The following CYP19A1 variants were observed in gnomAD, a reference collection of about 807,000 sequenced individuals.
The protein encoded by CYP19A1 is cytochrome P450 family 19 subfamily A member 1.
In CYP19A1, 32 loss-of-function variants were observed where a neutral mutation model predicts 44.4. The observed-to-expected ratio is 0.72, with a 90% CI of 0.54 to 0.97. The LOEUF is 0.97. Among genes scored for constraint, CYP19A1 ranks in the 50% least tolerant of loss-of-function variants. The pLI, the probability that CYP19A1 is intolerant of heterozygous loss-of-function variation, is 0.00. For missense variants in CYP19A1, 598 were observed against 637.8 expected (o/e 0.94, Z 0.67); for synonymous variants, 212 against 215.6 (o/e 0.98, Z 0.14).
chr15:51,231,624 C>A (rs778213116), intron 3 of CYP19A1, among the ~76,000 whole-genome samples: 3 of 151,414 alleles, frequency 2.0e-5, no homozygotes, highest in African/African-American at 7.3e-5. Context: ...ACCACACATG[C>A]GCACACATGT....
chr15:51,277,963 T>G (rs918064115), intron 1 of CYP19A1: 10 of 149,310 alleles, frequency 6.7e-5, no homozygotes, highest in Admixed American at 1.3e-4. Flanking sequence ...AGTTTTTTTT[T>G]TTTTTTTTTT....
intron 1 of CYP19A1, among the ~76,000 whole-genome samples, chr15:51,263,374 G>C (rs758459820): frequency 1.3e-5 from 2 of 152,222 alleles, no homozygotes; most frequent in Non-Finnish European, 2.9e-5. Flanking sequence ...AGCCAGAATG[G>C]AAAGGAGAGG....
chr15:51,246,943 T>C (rs1439593130), intron 1 of CYP19A1, among the ~76,000 whole-genome samples: 2 of 152,146 alleles, frequency 1.3e-5, no homozygotes, highest in East Asian at 3.8e-4. Context: ...ATCCATTTCC[T>C]CATCTCCTGA....
At chr15:51,287,851 C>T (rs978476946) in intron 1 of CYP19A1, among the ~76,000 whole-genome samples, 1 of 152,238 alleles carries the variant, frequency 6.6e-6, no homozygotes, top group South Asian at 2.1e-4. Flanking sequence ...GTGCATCTTA[C>T]AGCTGAGTTG....
intron 1 of CYP19A1, chr15:51,255,675 C>T (rs2141152503): frequency 6.6e-6 from 1 of 152,258 alleles, no homozygotes; most frequent in South Asian, 2.1e-4. Context: ...TGATATTAAT[C>T]CCAAGTTCCA....
rs1566883506 is a variant in CYP19A1 at position 51,232,794 on chromosome 15, C to CA, written c.296+4064dup. On this transcript the variant is annotated intron_variant, in intron 3 of 9. Transcript: ENST00000396402. ...CTTGCCTAACTGGTCTGTCTGTCCC[C>CA]ATCCCTTGTCCTCTTGCACCTATTC... is the stretch of plus-strand genomic sequence containing the variant. Among the ~76,000 whole-genome samples, 3 of 152,336 alleles carry CA rather than the reference C, an allele frequency of 2.0e-5. No individual in the cohort carries two copies. The South Asian group carries it at 6.2e-4, about 32-fold the overall frequency.
In CYP19A1 at chr15:51,215,669, TG is replaced by T. The variant is rs567609156; in HGVS notation, c.858+33del. On this transcript the variant is annotated intron_variant, in intron 7 of 9. Coordinates refer to ENST00000396402, the MANE Select transcript of CYP19A1 (RefSeq NM_000103.4). ...CACCTCTACACAGTCATAACATATG[TG>T]GCATGGGAATTACAGTTAGTTCAGG... 1.4e-4 allele frequency: 222 copies of T among 1,613,854 alleles called. 2 individuals carry two copies. The African/African-American group carries it at 2.7e-3, about 20-fold the overall frequency.
intron 1 of CYP19A1, among the ~76,000 whole-genome samples, chr15:51,330,526 G>C (rs2036683582): frequency 1.3e-5 from 2 of 152,170 alleles, no homozygotes; most frequent in Admixed American, 1.3e-4. Context: ...TACACCACTG[G>C]TACTTGGCCC....
At chr15:51,312,322 CTA>C (rs1467347797) in intron 1 of CYP19A1, 1 of 152,248 alleles carries the variant, frequency 6.6e-6, no homozygotes, top group African/African-American at 2.4e-5. Flanking sequence ...GTCTGTCAGA[CTA>C]TGTTAACTCA....
At chr15:51,313,447 TAGAG>T (rs1244237346) in intron 1 of CYP19A1, among the ~76,000 whole-genome samples, 1 of 151,924 alleles carries the variant, frequency 6.6e-6, no homozygotes, top group Admixed American at 6.6e-5. Context: ...GCTGAGAAAA[TAGAG>T]AGGTAGCATG....
intron 1 of CYP19A1, among the ~76,000 whole-genome samples, chr15:51,303,649 A>G (rs1218775767): frequency 6.6e-6 from 1 of 152,156 alleles, no homozygotes; most frequent in East Asian, 1.9e-4. Flanking sequence ...AGCAAATACA[A>G]GGAAGTGAAA....
At position 51,222,395 on chromosome 15, in the gene CYP19A1, G is replaced by A. The variant is rs200277726; in HGVS notation, c.582C>T (p.Val194=). The A allele has an allele frequency of 3.1e-6, 5 of 1,614,106 alleles. No homozygotes were observed. In the South Asian group the frequency reaches 5.5e-5, roughly 18 times the overall value. The change falls in exon 5 of 10, where the codon GTC becomes GTT. Residue 194 remains valine (V), a synonymous_variant. Transcript: ENST00000396402. ...AGAGCGTGTTAGAGGTGTCCAGCAT[G>A]ACACGACGCAGAAGGGTCAACACGT... The part of the protein sequence containing the change: ...YVDVLTLLRR[V]MLDTSNTLFL...
Position 51,236,883 on chromosome 15 carries a change from C to T in CYP19A1, c.272G>A (p.Gly91Glu). Residue 91 changes from glycine to glutamate, a missense_variant, in exon 3 of 10, where the codon GGA becomes GAA. Gly to Glu is a moderately conservative substitution (Grantham distance 98). Transcript: ENST00000396402. ...YGEFMRVWIS[G>E]EETLIISKSS... is the part of the protein sequence containing the mutation. ...CTTGCTGATAATGAGTGTTTCCTCTCCAGAGATCCAGACTCGCATGAATTC... is the reference window on the plus strand; with the variant it reads ...CTTGCTGATAATGAGTGTTTCCTCTTCAGAGATCCAGACTCGCATGAATTC... 1 of 1,614,184 alleles carries T rather than the reference C, an allele frequency of 6.2e-7. No homozygotes were observed. The highest frequency in any genetic ancestry group is 8.5e-7 in the Non-Finnish European group (1 of 1,180,008).
chr15:51,325,883 A>T (rs2036601360), intron 1 of CYP19A1, among the ~76,000 whole-genome samples: 1 of 150,070 alleles, frequency 6.7e-6, no homozygotes, highest in South Asian at 2.1e-4. Context: ...AGTCCACCTA[A>T]CCTACCAAAT....
chr15:51,291,737 C>A (rs144723635), intron 1 of CYP19A1, among the ~76,000 whole-genome samples: 1 of 152,072 alleles, frequency 6.6e-6, no homozygotes, highest in Non-Finnish European at 1.5e-5. Flanking sequence ...GGAAACCCCA[C>A]GAGTAGGTCA....
At chr15:51,271,609 CTT>C (rs1312558381) in intron 1 of CYP19A1, among the ~76,000 whole-genome samples, 2 of 152,238 alleles carry the variant, frequency 1.3e-5, no homozygotes, top group East Asian at 3.8e-4. Flanking sequence ...TTAGACTTCT[CTT>C]TAGTTCTAGG....
At chr15:51,335,980 G>A (rs1212629986) in intron 1 of CYP19A1, among the ~76,000 whole-genome samples, 3 of 152,154 alleles carry the variant, frequency 2.0e-5, no homozygotes, top group African/African-American at 4.8e-5. Flanking sequence ...GGCCTTGAAC[G>A]TGTTGTTCCT....
At chr15:51,285,946 C>T (rs1230341353) in intron 1 of CYP19A1, among the ~76,000 whole-genome samples, 1 of 152,202 alleles carries the variant, frequency 6.6e-6, no homozygotes, top group Non-Finnish European at 1.5e-5. Context: ...GTACCAGTCA[C>T]CACAGTCTCA....
chr15:51,223,593 T>TCTCTCTCTCACACACACACACACA (rs1356666512), intron 4 of CYP19A1, among the ~76,000 whole-genome samples: 2 of 90,146 alleles, frequency 2.2e-5, no homozygotes, highest in East Asian at 4.7e-4. Context: ...TCTCTCTCTC[T>TCTCTCTCTCACACACACACACACA]CACACACACA....
Sources: allele counts gnomAD v4.1 joint callset (sites outside exome capture counted in the v4.1 genomes callset), GRCh38; gene constraint gnomAD v4.1.1; transcripts MANE v1.5; gene names NCBI Gene and HGNC (gene_info 2026-07-23, HGNC 2026-07-21).